Variants in PLS1 observed in about 807,000 individuals in gnomAD.
PLS1 encodes plastin 1, also known as plastin-1.
In PLS1, 32 loss-of-function variants were observed where a neutral mutation model predicts 73.7. The ratio of observed to expected loss-of-function variants is 0.43; its 90% CI spans 0.33 to 0.58. PLS1 has a LOEUF of 0.58. Ranked by LOEUF, PLS1 falls within the 20% of genes least tolerant of loss-of-function variation. PLS1 has a pLI of 0.04. For synonymous variants in PLS1, 217 were observed against 261.3 expected (o/e 0.83, Z 1.63); for missense variants, 633 against 740.5 (o/e 0.85, Z 1.68).
chr3:142,671,501 C>A (rs1432192142), intron 4 of PLS1, among the ~76,000 whole-genome samples: 3 of 152,032 alleles, frequency 2.0e-5, no homozygotes, highest in Non-Finnish European at 2.9e-5. Flanking sequence ...TAGACCTGAG[C>A]TAGGAATGGG....
At chr3:142,679,450 A>T (rs2037800220) in intron 6 of PLS1, among the ~76,000 whole-genome samples, 1 of 151,734 alleles carries the variant, frequency 6.6e-6, no homozygotes, top group Non-Finnish European at 1.5e-5. Flanking sequence ...TAATTTTTGT[A>T]TAAGGTGTAA....
intron 12 of PLS1, among the ~76,000 whole-genome samples, chr3:142,701,679 C>G (rs904180056): frequency 6.6e-6 from 1 of 152,146 alleles, no homozygotes; most frequent in African/African-American, 2.4e-5. Flanking sequence ...AATGCTGGTC[C>G]TATCAATATA....
At chr3:142,709,161 T>G (rs1430385546) in intron 14 of PLS1, among the ~76,000 whole-genome samples, 21 of 152,222 alleles carry the variant, frequency 1.4e-4, no homozygotes, top group Admixed American at 1.4e-3. Context: ...CAGTACACAT[T>G]TAGAGTCATC....
At chr3:142,699,318 G>C (rs1449295119) in intron 12 of PLS1, among the ~76,000 whole-genome samples, 2 of 152,114 alleles carry the variant, frequency 1.3e-5, no homozygotes, top group Non-Finnish European at 2.9e-5. Flanking sequence ...AATTAGCCAG[G>C]CGTAGTGGTG....
At chr3:142,694,198 C>A (rs2038145265) in intron 10 of PLS1, among the ~76,000 whole-genome samples, 1 of 152,020 alleles carries the variant, frequency 6.6e-6, no homozygotes, top group Non-Finnish European at 1.5e-5. Context: ...TCTGTTATTT[C>A]TAGGTAGAGA....
intron 1 of PLS1, among the ~76,000 whole-genome samples, chr3:142,648,889 A>AAC (rs774564017): frequency 2.0e-5 from 3 of 152,168 alleles, no homozygotes; most frequent in Non-Finnish European, 2.9e-5. Context: ...ACCACTTTGG[A>AAC]AATCTAACTA....
intron 1 of PLS1, among the ~76,000 whole-genome samples, chr3:142,635,863 T>G (rs1314384935): frequency 6.6e-6 from 1 of 152,062 alleles, no homozygotes; most frequent in African/African-American, 2.4e-5. Context: ...TTTTGTTTGT[T>G]TGTGTGTGTG....
At chr3:142,689,429 CATAAATAAATAA>C (rs60286789) in intron 9 of PLS1, among the ~76,000 whole-genome samples, 177 bp from the exon 10 acceptor site, 4 of 148,480 alleles carry the variant, frequency 2.7e-5, no homozygotes, top group African/African-American at 5.0e-5. Context: ...TCTCTAAATA[CATAAATAAATAA>C]ATAAATAAAT....
chr3:142,610,116 G>T (rs576332169), intron 1 of PLS1, among the ~76,000 whole-genome samples: 2 of 152,162 alleles, frequency 1.3e-5, no homozygotes, highest in African/African-American at 4.8e-5. Context: ...TGATCCATCC[G>T]CCTCGGCCTC....
chr3:142,619,870 T>TA (rs1440685606), intron 1 of PLS1, among the ~76,000 whole-genome samples: 1 of 152,222 alleles, frequency 6.6e-6, no homozygotes, highest in Non-Finnish European at 1.5e-5. Flanking sequence ...TCTGTCAGAT[T>TA]ACTCAGAGGT....
Position 142,649,335 on chromosome 3 carries a change from C to A in PLS1, c.-36-14867C>A, listed in dbSNP as rs371508517. On this transcript the variant is annotated intron_variant, in intron 1 of 15. Coordinates refer to ENST00000457734, the MANE Select transcript of PLS1 (RefSeq NM_001145319.2). ...TGGGTAACAGAGTGAGACCCTATGT[C>A]AAAAAAAAAAAAAAAAAAGGCCAGG... Among the ~76,000 whole-genome samples, 500 of 93,314 alleles carry A rather than the reference C, an allele frequency of 5.4e-3. 2 individuals carry two copies. The highest frequency in any genetic ancestry group is 0.015 in the Middle Eastern group (2 of 136). The allele number at this position is 93,314 out of a possible 152,430, so 61.2% of individuals were successfully genotyped here.
intron 1 of PLS1, among the ~76,000 whole-genome samples, chr3:142,603,111 A>G (rs933905889): frequency 2.0e-5 from 3 of 152,226 alleles, no homozygotes; most frequent in Non-Finnish European, 4.4e-5. Flanking sequence ...AAATGGTTAT[A>G]CAATTTTGAT....
At chr3:142,646,672 G>C (rs2036959236) in intron 1 of PLS1, among the ~76,000 whole-genome samples, 1 of 152,258 alleles carries the variant, frequency 6.6e-6, no homozygotes, top group African/African-American at 2.4e-5. Flanking sequence ...GCACATCATA[G>C]TTCTTACTGT....
At position 142,625,415 on chromosome 3, in the gene PLS1, C is replaced by T. The variant is rs147558150; in HGVS notation, c.-37+28906C>T. Among the ~76,000 whole-genome samples, 413 of 152,112 alleles carry T rather than the reference C, an allele frequency of 2.7e-3. 4 individuals carry two copies. Among genetic ancestry groups the T allele is most frequent in the South Asian group, 0.022 (105 of 4,794 alleles). On this transcript the variant is annotated intron_variant, in intron 1 of 15. Transcript: ENST00000457734. The stretch of plus-strand genomic sequence containing the variant: ...TTCCAAATGTTTCCAACTCAGTTCT[C>T]GGTATTACAGGAAAAACAAGGTGCT...
At chr3:142,619,724 T>C (rs1027927445) in intron 1 of PLS1, 2 of 152,204 alleles carry the variant, frequency 1.3e-5, no homozygotes, top group East Asian at 3.8e-4. Context: ...GTCTGCAAGA[T>C]GTGTGTATGT....
chr3:142,663,304 T>C (rs2037410899), intron 1 of PLS1, among the ~76,000 whole-genome samples: 1 of 152,238 alleles, frequency 6.6e-6, no homozygotes. Context: ...TTATGAGTAA[T>C]GTTAATTTTC....
rs2037912466 is a variant in PLS1, at chr3:142,684,128, C to G, written c.702C>G (p.Ile234Met). 2 of 1,613,846 alleles carry G rather than the reference C, an allele frequency of 1.2e-6. No homozygotes were observed. Among genetic ancestry groups the G allele is most frequent in the Non-Finnish European group, 1.7e-6 (2 of 1,179,962 alleles). The change falls in exon 7 of 16, where the codon ATC becomes ATG. Residue 234 changes from isoleucine to methionine, a missense_variant. By Grantham distance (10) the Ile-to-Met change is conservative. Transcript: ENST00000457734. ...HLVLGLLWQI[I>M]KVGLFADIEI... Reference sequence around the variant, plus strand: ...TCTTGGGACTTCTCTGGCAGATCATCAAAGTTGGCCTTTTTGCTGATATTG... The same window carrying G: ...TCTTGGGACTTCTCTGGCAGATCATGAAAGTTGGCCTTTTTGCTGATATTG...
intron 1 of PLS1, among the ~76,000 whole-genome samples, chr3:142,615,099 A>T (rs1337479023): frequency 1.3e-5 from 2 of 152,146 alleles, no homozygotes; most frequent in African/African-American, 4.8e-5. Context: ...GAGTGGGGGT[A>T]GTTAAGAGGT....
chr3:142,660,146 A>G lies in PLS1; in HGVS notation c.-36-4056A>G, dbSNP rs185326596. Among the ~76,000 whole-genome samples, 473 of 152,316 alleles carry G rather than the reference A, an allele frequency of 3.1e-3. 3 individuals are homozygous for G. The highest frequency in any genetic ancestry group is 0.011 in the African/African-American group (455 of 41,566). On this transcript the variant is annotated intron_variant, in intron 1 of 15. Coordinates refer to ENST00000457734, the MANE Select transcript of PLS1 (RefSeq NM_001145319.2). The stretch of plus-strand genomic sequence containing the variant: ...CAGAATCTAAAACCCTTCTTAGAAC[A>G]GTTTCAGGAAAAAAAAGGCAATAGA...
Sources: gnomAD v4.1 joint callset for allele counts (sites outside exome capture counted in the v4.1 genomes callset) on GRCh38, gnomAD v4.1.1 for gene constraint, MANE v1.5 for transcripts, NCBI Gene and HGNC (gene_info 2026-07-23, HGNC 2026-07-21) for gene names.